Variants in ZNF532 observed in about 807,000 individuals in gnomAD.
ZNF532 encodes the protein zinc finger protein 532.
Under a neutral mutation model 89.3 loss-of-function variants are expected in ZNF532, and 22 were observed. That is an observed-to-expected ratio of 0.25 (90% CI 0.18 to 0.35). The LOEUF (loss-of-function observed/expected upper bound fraction) is 0.35. ZNF532 is among the 10% of genes least tolerant of loss of function. The pLI is 1.00. For missense variants in ZNF532, 1,132 were observed against 1,643.4 expected (o/e 0.69, Z 5.38); for synonymous variants, 606 against 649.6 (o/e 0.93, Z 1.02).
chr18:58,925,673 A>G lies in ZNF532; in HGVS notation c.2346+5040A>G, dbSNP rs552090054. Among the ~76,000 whole-genome samples, 8 of 152,344 alleles carry G rather than the reference A, an allele frequency of 5.3e-5. No homozygotes were observed. The East Asian group carries it at 1.5e-3, about 29-fold the overall frequency. ...GACCTCTGCTTTTGGTGTCAAGTCT[A>G]AGGCATAGCTCTAGATCCTAAACAT... On this transcript the variant is annotated intron_variant, in intron 3 of 9. Coordinates refer to ENST00000591808, the MANE Select transcript of ZNF532 (RefSeq NM_001375912.1).
At chr18:58,911,075 G>A (rs1157823967) in intron 2 of ZNF532, among the ~76,000 whole-genome samples, 1 of 152,198 alleles carries the variant, frequency 6.6e-6, no homozygotes, top group Non-Finnish European at 1.5e-5. Flanking sequence ...TTTTGAGAGA[G>A]TGGATTGTCA....
chr18:58,871,300 G>T (rs1383522794), intron 2 of ZNF532, among the ~76,000 whole-genome samples: 1 of 152,156 alleles, frequency 6.6e-6, no homozygotes, highest in African/African-American at 2.4e-5. Flanking sequence ...AAACTAGCTG[G>T]ACTTGAACTC....
At chr18:58,942,086 G>A (rs1325347734) in intron 5 of ZNF532, among the ~76,000 whole-genome samples, 1 of 143,108 alleles carries the variant, frequency 7.0e-6, no homozygotes, top group Non-Finnish European at 1.5e-5. Flanking sequence ...GCAGTGGCAC[G>A]ATCTCAGCTC....
chr18:58,920,173 A>G lies in ZNF532; in HGVS notation c.1886A>G (p.Lys629Arg), dbSNP rs1424723798. ...TGTGGGGACTCCTTTGCACTTGAAA[A>G]GAGTCTGACCCAGCACTACGACAGA... is the stretch of plus-strand genomic sequence containing the variant. ...LECGDSFALE[K>R]SLTQHYDRRS... Residue 629 changes from lysine to arginine, a missense_variant, in exon 3 of 10, where the codon AAG (lysine) becomes AGG (arginine). By Grantham distance (26) the Lys-to-Arg change is conservative. This residue lies in a region of ZNF532 where 70 missense variants were observed against 152.1 expected (regional missense o/e 0.46). Transcript: ENST00000591808. 5 of 1,613,748 alleles carry G rather than the reference A, an allele frequency of 3.1e-6. No individual in the cohort carries two copies. The highest frequency in any genetic ancestry group is 4.2e-6 in the Non-Finnish European group (5 of 1,179,790).
intron 5 of ZNF532, among the ~76,000 whole-genome samples, chr18:58,942,737 G>T (rs1033465350): frequency 2.0e-5 from 3 of 152,062 alleles, no homozygotes; most frequent in African/African-American, 7.2e-5. Context: ...GTTTCTTTTG[G>T]CATTAAATCC....
chr18:58,879,680 T>G (rs1161109599), intron 2 of ZNF532, among the ~76,000 whole-genome samples: 1 of 152,324 alleles, frequency 6.6e-6, no homozygotes, highest in South Asian at 2.1e-4. Flanking sequence ...TGAGCCACCA[T>G]GCCCGGCTGT....
chr18:58,899,698 A>G (rs1259499249), intron 2 of ZNF532, among the ~76,000 whole-genome samples: 1 of 152,134 alleles, frequency 6.6e-6, no homozygotes, highest in African/African-American at 2.4e-5. Context: ...CAATCTCTCG[A>G]CTTCATGATC....
At chr18:58,981,936 G>A (rs556816082) in intron 9 of ZNF532, among the ~76,000 whole-genome samples, 13 of 146,674 alleles carry the variant, frequency 8.9e-5, no homozygotes, top group Admixed American at 8.2e-4. Context: ...CTTGGGAGGT[G>A]GAGGTTGCAG....
intron 7 of ZNF532, among the ~76,000 whole-genome samples, chr18:58,957,689 T>C: frequency 6.6e-6 from 1 of 152,112 alleles, no homozygotes; most frequent in East Asian, 1.9e-4. Context: ...TCAGTTCCCA[T>C]CCAGAAGAAC....
intron 2 of ZNF532, among the ~76,000 whole-genome samples, chr18:58,873,032 G>A (rs1001513465): frequency 4.6e-5 from 7 of 151,968 alleles, no homozygotes; most frequent in Admixed American, 3.3e-4. Flanking sequence ...TTTTGAGGCA[G>A]GGTCTCACTG....
rs180896337 is a variant in ZNF532 at position 58,911,814 on chromosome 18, T to C, written c.-17-6457T>C. Among the ~76,000 whole-genome samples the C allele has an allele frequency of 5.8e-4, 89 of 152,358 alleles. 1 individual carries two copies. In the East Asian group the frequency reaches 0.015, roughly 26 times the overall value. On this transcript the variant is annotated intron_variant, in intron 2 of 9. Transcript: ENST00000591808. ...GCTACAGGCACGCCCTCAATTTCCC[T>C]GGAGCTTCTCTCCTGGAAAAAGCAA...
intron 2 of ZNF532, among the ~76,000 whole-genome samples, chr18:58,891,623 CTTT>C (rs1277693925): frequency 9.2e-5 from 14 of 152,176 alleles, no homozygotes; most frequent in Admixed American, 7.2e-4. Context: ...ATTAAAAAGA[CTTT>C]TTACTGTTAG....
At chr18:58,905,705 A>G (rs909554224) in intron 2 of ZNF532, among the ~76,000 whole-genome samples, 1 of 152,010 alleles carries the variant, frequency 6.6e-6, no homozygotes, top group African/African-American at 2.4e-5. Context: ...ACTATTCACT[A>G]TTTCTATCTT....
At chr18:58,893,584 G>A (rs2059050151) in intron 2 of ZNF532, among the ~76,000 whole-genome samples, 1 of 151,016 alleles carries the variant, frequency 6.6e-6, no homozygotes, top group Non-Finnish European at 1.5e-5. Flanking sequence ...TTGAGCCTGG[G>A]AGGTTGAGAC....
At chr18:58,899,580 T>C (rs998755387) in intron 2 of ZNF532, among the ~76,000 whole-genome samples, 1 of 152,190 alleles carries the variant, frequency 6.6e-6, no homozygotes, top group African/African-American at 2.4e-5. Context: ...GCGATTCTCC[T>C]GCCTCAGCCT....
intron 7 of ZNF532, among the ~76,000 whole-genome samples, chr18:58,957,376 AT>A (rs1245745360): frequency 1.4e-5 from 2 of 144,788 alleles, no homozygotes; most frequent in Admixed American, 1.4e-4. Flanking sequence ...TGTATACTTG[AT>A]TTTAGTATCA....
At chr18:58,864,538 GGGAAGGAGAA>G (rs919950744), upstream of ZNF532, 5 of 151,090 alleles carry the variant, frequency 3.3e-5, no homozygotes, top group African/African-American at 1.2e-4. Flanking sequence ...AGGTAAGTGG[GGGAAGGAGAA>G]GGAGGGGGAA....
chr18:58,864,334 G>C (rs1375620906), upstream of ZNF532: 1 of 151,848 alleles, frequency 6.6e-6, no homozygotes, highest in African/African-American at 2.4e-5. Flanking sequence ...TGGGTGGGGT[G>C]GGGGTGACAG....
At chr18:58,868,952 C>T (rs1436109678) in intron 2 of ZNF532, among the ~76,000 whole-genome samples, 2 of 152,192 alleles carry the variant, frequency 1.3e-5, no homozygotes, top group Non-Finnish European at 2.9e-5. Flanking sequence ...TAGCCCATTG[C>T]TCCTAGGTTG....
Sources: allele counts gnomAD v4.1 joint callset (sites outside exome capture counted in the v4.1 genomes callset), GRCh38; gene constraint gnomAD v4.1.1; regional missense constraint gnomAD v4.1.1; transcripts MANE v1.5; gene names NCBI Gene and HGNC (gene_info 2026-07-23, HGNC 2026-07-21).